AK9: variants seen among roughly 807,000 people sequenced by gnomAD.
AK9 encodes the protein adenylate kinase domain containing 1.
In AK9, 191 loss-of-function variants were observed where a neutral mutation model predicts 239.6. The observed-to-expected ratio is 0.80, with a 90% CI of 0.71 to 0.90. The LOEUF is 0.90. Ranked by LOEUF, AK9 falls within the 40% of genes least tolerant of loss-of-function variation. The pLI is 0.00. For synonymous variants in AK9, 689 were observed against 721.0 expected, an observed-to-expected ratio of 0.96 and a Z score of 0.71; for missense variants, 1,995 against 2,214.7, an observed-to-expected ratio of 0.90 and a Z score of 1.99.
At chr6:109,547,561 C>A (rs9480974) in intron 25 of AK9, among the ~76,000 whole-genome samples, 88,550 of 151,922 alleles carry the variant, frequency 0.58, 27,485 homozygotes, top group East Asian at 0.84. Context: ...GATTAAAGAC[C>A]TAAATGGAAG....
intron 26 of AK9, among the ~76,000 whole-genome samples, chr6:109,545,442 C>T (rs552590920): frequency 6.6e-6 from 1 of 152,244 alleles, no homozygotes; most frequent in South Asian, 2.1e-4. Flanking sequence ...TGGGGGCAGG[C>T]CTTTCCCATG....
At chr6:109,592,623 T>G (rs1463261528) in intron 17 of AK9, among the ~76,000 whole-genome samples, 1 of 151,996 alleles carries the variant, frequency 6.6e-6, no homozygotes, top group African/African-American at 2.4e-5. Flanking sequence ...ATTTTTTGTA[T>G]TTTTAGTAGA....
At position 109,675,772 on chromosome 6, in the gene AK9, G is replaced by A; in HGVS notation, c.-11-16C>T. ...ACACAAAATACTACAATAAAAAAGG[G>A]TAAGATTGTTAACTTGTCTAATTTG... On this transcript the variant is annotated splice_polypyrimidine_tract_variant and intron_variant, in intron 1 of 40. Coordinates refer to ENST00000424296, the MANE Select transcript of AK9 (RefSeq NM_001145128.3). 1 of 1,434,982 alleles carries A rather than the reference G, an allele frequency of 7.0e-7. No individual in the cohort carries two copies. Among genetic ancestry groups the A allele is most frequent in the Non-Finnish European group, 9.6e-7 (1 of 1,045,340 alleles). 88.9% of individuals were successfully genotyped at this position (1,434,982 alleles called of 1,614,324 possible). A position where few individuals can be genotyped will look rare whatever the true frequency, so the allele number is the denominator to read the frequency against.
chr6:109,532,590 C>A (rs1432244670), intron 28 of AK9, among the ~76,000 whole-genome samples: 6 of 152,176 alleles, frequency 3.9e-5, no homozygotes, highest in Non-Finnish European at 8.8e-5. Flanking sequence ...TAGGTCATTC[C>A]TTCTTAATGC....
intron 21 of AK9, among the ~76,000 whole-genome samples, chr6:109,568,113 G>A (rs1786855855): frequency 6.6e-6 from 1 of 152,106 alleles, no homozygotes; most frequent in African/African-American, 2.4e-5. Flanking sequence ...GGGATGCAAG[G>A]CTGGTTCAAC....
At chr6:109,674,366 T>G in intron 2 of AK9, 105 bp from the exon 3 acceptor site, 1 of 732,840 alleles carries the variant, frequency 1.4e-6, no homozygotes, top group Admixed American at 3.5e-5. Flanking sequence ...ATTACATCAA[T>G]GTTATAATTT....
chr6:109,530,376 C>T (rs1043005975), intron 28 of AK9, among the ~76,000 whole-genome samples: 2 of 152,148 alleles, frequency 1.3e-5, no homozygotes, highest in Non-Finnish European at 2.9e-5. Flanking sequence ...GAATAAAATT[C>T]ATTTGGTTTA....
At chr6:109,583,546 A>T (rs1379067183) in intron 19 of AK9, among the ~76,000 whole-genome samples, 1 of 152,140 alleles carries the variant, frequency 6.6e-6, no homozygotes, top group East Asian at 1.9e-4. Context: ...ATAAAGGAAA[A>T]AAGTTTGTTT....
chr6:109,500,379 C>T (rs955583205), intron 35 of AK9, among the ~76,000 whole-genome samples: 1 of 152,138 alleles, frequency 6.6e-6, no homozygotes, highest in African/African-American at 2.4e-5. Context: ...AGAGTTTTCT[C>T]TCTAATACTC....
chr6:109,595,591 G>A (rs1277414151), intron 17 of AK9, among the ~76,000 whole-genome samples: 1 of 152,046 alleles, frequency 6.6e-6, no homozygotes, highest in Admixed American at 6.6e-5. Context: ...CCCAAGACTT[G>A]GATCCAACCC....
At chr6:109,553,223 T>C (rs1347036619) in intron 24 of AK9, among the ~76,000 whole-genome samples, 1 of 152,214 alleles carries the variant, frequency 6.6e-6, no homozygotes, top group East Asian at 1.9e-4. Flanking sequence ...TAAGTTAGTT[T>C]TTTCTAATTC....
intron 10 of AK9, among the ~76,000 whole-genome samples, chr6:109,635,129 T>G (rs561486199): frequency 6.6e-6 from 1 of 151,654 alleles, no homozygotes. Flanking sequence ...AAAAAAGAAA[T>G]AAACTCATGA....
At chr6:109,550,014 T>A in intron 25 of AK9, 76 bp downstream of exon 25, 1 of 1,446,192 alleles carries the variant, frequency 6.9e-7, no homozygotes, top group Non-Finnish European at 9.5e-7. Context: ...CACCCTTAAG[T>A]AAATTGATGG....
At chr6:109,562,903 G>C (rs1785964726) in intron 24 of AK9, among the ~76,000 whole-genome samples, 1 of 152,164 alleles carries the variant, frequency 6.6e-6, no homozygotes, top group Admixed American at 6.5e-5. Context: ...GCAGAGGATG[G>C]ATGATGAAAG....
intron 5 of AK9, among the ~76,000 whole-genome samples, chr6:109,665,201 T>C (rs1801017760): frequency 6.6e-6 from 1 of 152,216 alleles, no homozygotes; most frequent in African/African-American, 2.4e-5. Context: ...CTAATTTAAC[T>C]TAAAAAGGCA....
chr6:109,535,340 A>T (rs1382692288), intron 27 of AK9, among the ~76,000 whole-genome samples: 1 of 152,100 alleles, frequency 6.6e-6, no homozygotes, highest in Non-Finnish European at 1.5e-5. Flanking sequence ...TTTGATCTGC[A>T]TTTCTCTGAC....
At chr6:109,580,418 C>T (rs1788682964) in intron 19 of AK9, among the ~76,000 whole-genome samples, 2 of 151,948 alleles carry the variant, frequency 1.3e-5, no homozygotes, top group African/African-American at 4.8e-5. Context: ...GGAATTTAGC[C>T]CTCAGAAACA....
chr6:109,647,299 G>A (rs139748445), intron 8 of AK9, among the ~76,000 whole-genome samples: 4,370 of 152,208 alleles, frequency 0.029, 99 homozygotes, highest in East Asian at 0.11. Context: ...TTGGCAAATT[G>A]GATAAAGAGT....
At chr6:109,528,610 C>A (rs766064354) in intron 29 of AK9, 1 of 459,134 alleles carries the variant, frequency 2.2e-6, no homozygotes, top group Admixed American at 2.3e-5. Context: ...TTTGTGCCTG[C>A]AGTTGCAGTT....
Sources: allele counts gnomAD v4.1 joint callset (sites outside exome capture counted in the v4.1 genomes callset), GRCh38; gene constraint gnomAD v4.1.1; transcripts MANE v1.5; gene names NCBI Gene and HGNC (gene_info 2026-07-23, HGNC 2026-07-21).